Variants in S100A14 observed in about 807,000 individuals in gnomAD.
S100A14 encodes the protein protein S100-A14.
S100A14 carries 6 observed loss-of-function variants against 10.6 expected under a neutral mutation model. That is an observed-to-expected ratio of 0.57 (90% CI 0.31 to 1.12). S100A14 has a LOEUF of 1.12. S100A14 is among the 50% of genes most tolerant of loss of function. S100A14 has a pLI of 0.06. For missense variants in S100A14, 121 were observed against 128.7 expected (o/e 0.94, Z 0.29); for synonymous variants, 51 against 51.0 (o/e 1.00, Z 0.00).
Position 153,614,604 on chromosome 1 carries a change from C to T in S100A14, c.*281G>A, listed in dbSNP as rs1666917087. 5 of 368,520 alleles carry T rather than the reference C, an allele frequency of 1.4e-5. No individual in the cohort carries two copies. In the South Asian group the frequency reaches 2.9e-4, roughly 21 times the overall value. 22.8% of individuals were successfully genotyped at this position (368,520 alleles called of 1,614,324 possible). A position where few individuals can be genotyped will look rare whatever the true frequency, so the allele number is the denominator to read the frequency against. On this transcript the variant is annotated 3_prime_UTR_variant, in exon 4 of 4. Coordinates refer to ENST00000344616, the MANE Select transcript of S100A14 (RefSeq NM_020672.3). ...ATAGCCCAGCTCCTCTCTGTTCTCC[C>T]CCTACTACCAATTCTTTGGCTCTTA... is the stretch of plus-strand genomic sequence containing the variant.
intron 2 of S100A14, 80 bp from the exon 3 acceptor site, chr1:153,615,461 C>T: frequency 1.3e-6 from 2 of 1,522,668 alleles, no homozygotes; most frequent in East Asian, 2.3e-5. Flanking sequence ...CTAGCAAAGC[C>T]CCCAGGGCAG....
rs1666906424 is a variant in S100A14, at chr1:153,614,265, T to A, written c.*620A>T. ...AGTCAAGACAACATGTTTCACTTTT[T>A]TCATTTTTTTTTATTAATCAAATGA... On this transcript the variant is annotated 3_prime_UTR_variant, in exon 4 of 4. Coordinates refer to ENST00000344616, the MANE Select transcript of S100A14 (RefSeq NM_020672.3). 6.6e-6 allele frequency: 1 copy of A among 152,206 alleles called. No individual in the cohort carries two copies. The highest frequency in any genetic ancestry group is 1.5e-5 in the Non-Finnish European group (1 of 68,074). The allele number at this position is 152,206 out of a possible 1,614,324, so 9.4% of individuals were successfully genotyped here. A position where few individuals can be genotyped will look rare whatever the true frequency, so the allele number is the denominator to read the frequency against.
Position 153,615,217 on chromosome 1 carries a change from G to A in S100A14, c.177+18C>T. The stretch of plus-strand genomic sequence containing the variant: ...GAAGTCAGGGTACTGGCTGAGGTGG[G>A]GTGTGCTCCGTCCATACCGGCATGA... On this transcript the variant is annotated intron_variant, in intron 3 of 3. Transcript: ENST00000344616. 6.2e-7 allele frequency: 1 copy of A among 1,612,806 alleles called. No individual in the cohort carries two copies. The highest frequency in any genetic ancestry group is 8.5e-7 in the Non-Finnish European group (1 of 1,179,488).
chr1:153,616,072 C>T (rs377369446), intron 1 of S100A14, 136 bp from the exon 2 acceptor site: 17 of 503,216 alleles, frequency 3.4e-5, no homozygotes, highest in East Asian at 2.1e-4. Flanking sequence ...GCCCAGGCCC[C>T]GCCTGGGCTT....
intron 1 of S100A14, 150 bp from the exon 2 acceptor site, chr1:153,616,086 G>C: frequency 2.0e-6 from 1 of 493,724 alleles, no homozygotes; most frequent in Non-Finnish European, 3.7e-6. Flanking sequence ...TGGGCTTCAG[G>C]AGCCAAGGTC....
Position 153,615,223 on chromosome 1 carries a change from C to T in S100A14, c.177+12G>A. ...AGGGTACTGGCTGAGGTGGGGTGTG[C>T]TCCGTCCATACCGGCATGAGATGGG... On this transcript the variant is annotated intron_variant, in intron 3 of 3. Transcript: ENST00000344616. 6.2e-7 allele frequency: 1 copy of T among 1,613,026 alleles called. No homozygotes were observed. The highest frequency in any genetic ancestry group is 8.5e-7 in the Non-Finnish European group (1 of 1,179,534).
rs1018437157 is a variant in S100A14 at position 153,615,939 on chromosome 1, G to C, written c.-78-3C>G. On this transcript the variant is annotated splice_region_variant and splice_polypyrimidine_tract_variant and intron_variant, in intron 1 of 3. Transcript: ENST00000344616. ...CAGAGGAGCTGATGGCTCATGATCT[G>C]CTTAGAGGAGGGGGTAGGCCTGAGC... 1.8e-5 allele frequency: 26 copies of C among 1,407,528 alleles called. No homozygotes were observed. In the Admixed American group the frequency reaches 1.9e-4, roughly 10 times the overall value. The allele number at this position is 1,407,528 out of a possible 1,614,324, so 87.2% of individuals were successfully genotyped here. A position where few individuals can be genotyped will look rare whatever the true frequency, so the allele number is the denominator to read the frequency against.
At chr1:153,615,079 C>A in intron 3 of S100A14, 57 bp from the exon 4 acceptor site, 1 of 1,596,566 alleles carries the variant, frequency 6.3e-7, no homozygotes, top group Non-Finnish European at 8.5e-7. Context: ...ATCTTCCCAC[C>A]CCACCCTGCC....
chr1:153,615,322 G>T lies in S100A14; in HGVS notation c.90C>A (p.His30Gln). 1 of 1,613,466 alleles carries T rather than the reference G, an allele frequency of 6.2e-7. No homozygotes were observed. Among genetic ancestry groups the T allele is most frequent in the Non-Finnish European group, 8.5e-7 (1 of 1,179,966 alleles). ...CCTTCCCACCCTCCACGGAGTACTG[G>T]TGAAAGTTCTTGATGAGGGTCTCAA... ...RAIETLIKNF[H>Q]QYSVEGGKET... is the part of the protein sequence containing the mutation. The change falls in exon 3 of 4, where the codon CAC becomes CAA. Residue 30 changes from histidine (H) to glutamine (Q), a missense_variant. By Grantham distance (24) the His-to-Gln change is conservative. Coordinates refer to ENST00000344616, the MANE Select transcript of S100A14 (RefSeq NM_020672.3).
chr1:153,615,112 A>G, intron 3 of S100A14, 90 bp from the exon 4 acceptor site: 1 of 1,585,376 alleles, frequency 6.3e-7, no homozygotes, highest in South Asian at 1.2e-5. Context: ...GCAGGAGCAG[A>G]GGCTACCTAG....
rs1666939112 is a variant in S100A14 at position 153,615,330 on chromosome 1, T to G, written c.82A>C (p.Asn28His). ...VERAIETLIK[N>H]FHQYSVEGGK... The stretch of plus-strand genomic sequence containing the variant: ...CCCTCCACGGAGTACTGGTGAAAGT[T>G]CTTGATGAGGGTCTCAATGGCCCTC... Residue 28 changes from asparagine (N) to histidine (H), a missense_variant, in exon 3 of 4, where the codon AAC becomes CAC. Asn to His is a moderately conservative substitution (Grantham distance 68, BLOSUM62 1). Transcript: ENST00000344616. 6.2e-7 allele frequency: 1 copy of G among 1,613,748 alleles called. No homozygotes were observed. The highest frequency in any genetic ancestry group is 8.5e-7 in the Non-Finnish European group (1 of 1,179,954).
At position 153,615,952 on chromosome 1, in the gene S100A14, G is replaced by C. The variant is rs1256125600; in HGVS notation, c.-78-16C>G. 7.8e-7 allele frequency: 1 copy of C among 1,278,096 alleles called. No individual in the cohort carries two copies. Among genetic ancestry groups the C allele is most frequent in the Non-Finnish European group, 1.1e-6 (1 of 877,276 alleles). 79.2% of individuals were successfully genotyped at this position (1,278,096 alleles called of 1,614,324 possible). Reference sequence around the variant, plus strand: ...GGCTCATGATCTGCTTAGAGGAGGGGGTAGGCCTGAGCTGAGGAGAGAGTC... The same window carrying C: ...GGCTCATGATCTGCTTAGAGGAGGGCGTAGGCCTGAGCTGAGGAGAGAGTC... On this transcript the variant is annotated splice_polypyrimidine_tract_variant and intron_variant, in intron 1 of 3. Transcript: ENST00000344616.
In S100A14 at chr1:153,615,886, G is replaced by A. The variant is rs777473311; in HGVS notation, c.-28C>T. 8 of 1,613,412 alleles carry A rather than the reference G, an allele frequency of 5.0e-6. No homozygotes were observed. Among genetic ancestry groups the A allele is most frequent in the Admixed American group, 1.7e-5 (1 of 60,010 alleles). On this transcript the variant is annotated 5_prime_UTR_variant, in exon 2 of 4. Coordinates refer to ENST00000344616, the MANE Select transcript of S100A14 (RefSeq NM_020672.3). ...TGCCCACTGTGTCTGGTCCTTTGGT[G>A]AGAGTTCTGTTGTCCTATAGCTGGC...
Position 153,614,845 on chromosome 1 carries a change from G to T in S100A14, c.*40C>A. 6.2e-7 allele frequency: 1 copy of T among 1,603,056 alleles called. No individual in the cohort carries two copies. The highest frequency in any genetic ancestry group is 1.1e-5 in the South Asian group (1 of 89,360). ...GACAAGTTTTATCTCCAGGCCCACA[G>T]TCTCTCCCCAACACCCCCCAAGAAT... is the stretch of plus-strand genomic sequence containing the variant. On this transcript the variant is annotated 3_prime_UTR_variant, in exon 4 of 4. Transcript: ENST00000344616.
At position 153,615,011 on chromosome 1, in the gene S100A14, G is replaced by A. The variant is rs759234689; in HGVS notation, c.189C>T (p.Gly63=). The A allele has an allele frequency of 1.2e-6, 2 of 1,613,878 alleles. No individual in the cohort carries two copies. The highest frequency in any genetic ancestry group is 2.2e-5 in the South Asian group (2 of 91,078). Residue 63 remains glycine (G), a synonymous_variant, in exon 4 of 4, where the codon GGC becomes GGT. Coordinates refer to ENST00000344616, the MANE Select transcript of S100A14 (RefSeq NM_020672.3). The part of the protein sequence containing the change: ...QLPHLMPSNC[G]LEEKIANLGS... ...CCAGGTTGGCAATTTTCTCTTCCAG[G>A]CCACAGTTGCTCTGAGGGGAGTGAA...
Position 153,615,243 on chromosome 1 carries a change from G to A in S100A14, c.169C>T (p.Leu57Phe). Residue 57 changes from leucine (L) to phenylalanine (F), a missense_variant, in exon 3 of 4, where the codon CTC becomes TTC. By Grantham distance (22) the Leu-to-Phe change is conservative. Transcript: ENST00000344616. The stretch of plus-strand genomic sequence containing the variant: ...GTGTGCTCCGTCCATACCGGCATGA[G>A]ATGGGGCAGCTGCTGGGTGACCAGG... ...RDLVTQQLPHLMPSNCGLEEK... is the reference protein window; with the variant it reads ...RDLVTQQLPHFMPSNCGLEEK... 1 of 1,613,892 alleles carries A rather than the reference G, an allele frequency of 6.2e-7. No homozygotes were observed. The highest frequency in any genetic ancestry group is 8.5e-7 in the Non-Finnish European group (1 of 1,179,970).
At chr1:153,615,757 T>A (rs113337600) in intron 2 of S100A14, 72 bp downstream of exon 2, 7 of 1,524,672 alleles carry the variant, frequency 4.6e-6, no homozygotes, top group African/African-American at 4.1e-5. Flanking sequence ...CAGAAGTCAG[T>A]GGGGGGACAT....
intron 2 of S100A14, among the ~76,000 whole-genome samples, chr1:153,615,611 C>T (rs754962564): frequency 1.5e-4 from 23 of 152,300 alleles, no homozygotes; most frequent in Non-Finnish European, 2.5e-4. Flanking sequence ...CCACCGCAGG[C>T]AGAGCAGGTC....
At chr1:153,616,091 A>G in intron 1 of S100A14, 155 bp from the exon 2 acceptor site, 1 of 492,238 alleles carries the variant, frequency 2.0e-6, no homozygotes, top group Non-Finnish European at 3.7e-6. Context: ...TTCAGGAGCC[A>G]AGGTCATATC....
Sources: gnomAD v4.1 joint callset for allele counts (sites outside exome capture counted in the v4.1 genomes callset) on GRCh38, gnomAD v4.1.1 for gene constraint, MANE v1.5 for transcripts, NCBI Gene and HGNC (gene_info 2026-07-23, HGNC 2026-07-21) for gene names.